NBPF11: variants seen among roughly 807,000 people sequenced by gnomAD.
NBPF11 encodes NBPF family member NBPF11.
Under a neutral mutation model 93.9 loss-of-function variants are expected in NBPF11, and 72 were observed. That is an observed-to-expected ratio of 0.77 (90% confidence interval 0.63 to 0.93). NBPF11 has a LOEUF of 0.93. Ranked by LOEUF, NBPF11 falls within the 40% of genes least tolerant of loss-of-function variation. NBPF11 has a pLI of 0.00. For synonymous variants in NBPF11, 224 were observed against 304.9 expected, an observed-to-expected ratio of 0.73 and a Z score of 2.76; for missense variants, 705 against 802.2, an observed-to-expected ratio of 0.88 and a Z score of 1.46.
At chr1:148,126,354 C>A (rs1175161390) in intron 5 of NBPF11, among the ~76,000 whole-genome samples, 1 of 151,498 alleles carries the variant, frequency 6.6e-6, no homozygotes, top group Admixed American at 6.6e-5. Context: ...CTATTAGGAG[C>A]AGACTCCTCT....
intron 21 of NBPF11, among the ~76,000 whole-genome samples, chr1:148,105,754 A>G (rs1663425475): frequency 1.0e-5 from 1 of 95,252 alleles, no homozygotes; most frequent in African/African-American, 7.2e-5. Context: ...ACAAACACAC[A>G]CACAAAGACA....
rs1667611615 is a variant in NBPF11, at chr1:148,120,667, T to A, written c.822A>T (p.Val274=). 3.9e-6 allele frequency: 6 copies of A among 1,536,660 alleles called. No individual in the cohort carries two copies. Among genetic ancestry groups the A allele is most frequent in the African/African-American group, 2.7e-5 (2 of 72,980 alleles). Residue 274 remains valine (V), a synonymous_variant, in exon 10 of 24, where the codon GTA becomes GTT. Coordinates refer to ENST00000682118, the MANE Select transcript of NBPF11 (RefSeq NM_001385469.3). ...TCTCGCTGGACAAAGGGCCGGCTGA[T>A]ACCACCATGCTGACGTTTGTGGCAG... ...TSSATNVSMV[V]SAGPLSSEKA...
rs1166882477 is a variant in NBPF11, at chr1:148,121,655, A to G, written c.778+400T>C. 6.4e-4 allele frequency among the ~76,000 whole-genome samples: 94 copies of G among 146,786 alleles called. 1 individual carries two copies. Among genetic ancestry groups the G allele is most frequent in the Non-Finnish European group, 3.0e-4 (20 of 66,470 alleles). ...CAGGTGTGACCCACTGCGCCCAGCC[A>G]AGACTTATTAATAGCTAAGACAAGC... On this transcript the variant is annotated intron_variant, in intron 9 of 23. Coordinates refer to ENST00000682118, the MANE Select transcript of NBPF11 (RefSeq NM_001385469.3).
In NBPF11 at chr1:148,118,649, T is replaced by G; in HGVS notation, c.1062A>C (p.Ala354=). The change falls in exon 11 of 24, where the codon GCA becomes GCC. Residue 354 remains alanine, a synonymous_variant. Transcript: ENST00000682118. ...GCTCCTCAGCTTGCTTCAGCTGCTC[T>G]GCAAGCTTCTCCTCCTTGAACTGTC... is the stretch of plus-strand genomic sequence containing the variant. ...NERQFKEEKL[A]EQLKQAEELR... 2 of 1,613,030 alleles carry G rather than the reference T, an allele frequency of 1.2e-6. No homozygotes were observed. The highest frequency in any genetic ancestry group is 3.3e-5 in the Admixed American group (2 of 60,024).
At position 148,106,893 on chromosome 1, in the gene NBPF11, A is replaced by T; in HGVS notation, c.2251+49T>A. On this transcript the variant is annotated intron_variant, in intron 20 of 23. Coordinates refer to ENST00000682118, the MANE Select transcript of NBPF11 (RefSeq NM_001385469.3). ...CACTTGGAACAGGAATATCACCCCT[A>T]TCTGGAAGGCCAGGTGGAGGCTTAT... 4.0e-6 allele frequency: 3 copies of T among 748,392 alleles called. 1 individual carries two copies. The highest frequency in any genetic ancestry group is 7.2e-6 in the Non-Finnish European group (3 of 419,522). 46.4% of individuals were successfully genotyped at this position (748,392 alleles called of 1,614,324 possible). A position where few individuals can be genotyped will look rare whatever the true frequency, so the allele number is the denominator to read the frequency against.
intron 4 of NBPF11, among the ~76,000 whole-genome samples, chr1:148,129,262 A>T (rs1239869149): frequency 7.5e-5 from 11 of 147,556 alleles, no homozygotes; most frequent in Non-Finnish European, 1.2e-4. Flanking sequence ...TATATATATA[A>T]TACGTGTATA....
At position 148,108,673 on chromosome 1, in the gene NBPF11, G is replaced by A. The variant is rs1664422997; in HGVS notation, c.1854-19C>T. ...GCTGAGCCTGGAAAAGTGGGAAAAA[G>A]TAAAGAATAAGCCAGGGGGAATCAG... On this transcript the variant is annotated intron_variant, in intron 17 of 23. Coordinates refer to ENST00000682118, the MANE Select transcript of NBPF11 (RefSeq NM_001385469.3). 1 of 885,092 alleles carries A rather than the reference G, an allele frequency of 1.1e-6. No individual in the cohort carries two copies. The highest frequency in any genetic ancestry group is 1.3e-5 in the South Asian group (1 of 76,522). The allele number at this position is 885,092 out of a possible 1,614,324, so 54.8% of individuals were successfully genotyped here.
At position 148,103,818 on chromosome 1, in the gene NBPF11, G is replaced by A; in HGVS notation, c.*78C>T. ...CTTCTGTAGTGCTGGAATGAGTCAG[G>A]TAGTTCAAAGTACATTGATGGAGTC... On this transcript the variant is annotated 3_prime_UTR_variant, in exon 24 of 24. Coordinates refer to ENST00000682118, the MANE Select transcript of NBPF11 (RefSeq NM_001385469.3). 1.2e-6 allele frequency: 2 copies of A among 1,611,718 alleles called. No individual in the cohort carries two copies. The highest frequency in any genetic ancestry group is 1.1e-5 in the South Asian group (1 of 90,988).
At chr1:148,122,879 C>A (rs1668202944) in intron 7 of NBPF11, 78 bp from the exon 8 acceptor site, 3 of 1,605,296 alleles carry the variant, frequency 1.9e-6, no homozygotes, top group African/African-American at 2.7e-5. Context: ...TGCACAGAGA[C>A]ATGAATATCT....
rs1558157540 is a variant in NBPF11, at chr1:148,132,256, G to GT, written c.-36+3415_-36+3416insA. ...ACACATGTTTGTGTGTGTGTGTGTGGGGGTGTGTATACATATATATATGTC... is the reference window on the plus strand; with the variant it reads ...ACACATGTTTGTGTGTGTGTGTGTGGTGGGTGTGTATACATATATATATGTC... On this transcript the variant is annotated intron_variant, in intron 4 of 23. Coordinates refer to ENST00000682118, the MANE Select transcript of NBPF11 (RefSeq NM_001385469.3). 5.9e-5 allele frequency among the ~76,000 whole-genome samples: 8 copies of GT among 135,718 alleles called. No homozygotes were observed. The East Asian group carries it at 6.7e-4, about 11-fold the overall frequency. The allele number at this position is 135,718 out of a possible 152,430, so 89.0% of individuals were successfully genotyped here.
intron 4 of NBPF11, chr1:148,129,505 C>A (rs1553273981): frequency 6.5e-6 from 1 of 152,806 alleles, no homozygotes; most frequent in East Asian, 1.9e-4. Context: ...CCATCTACAG[C>A]CTCGTGGCGG....
rs1648468374 is a variant in NBPF11 at position 148,151,909 on chromosome 1, T to G, written c.-708A>C. ...AGAAGCTCAGGCAGCCTCGCGACCC[T>G]CACCTACCCCTCCCAGCACCGCCGC... On this transcript the variant is annotated 5_prime_UTR_variant, in exon 1 of 24. Transcript: ENST00000682118. The G allele has an allele frequency of 6.5e-6, 1 of 152,812 alleles. No individual in the cohort carries two copies. Among genetic ancestry groups the G allele is most frequent in the Admixed American group, 6.5e-5 (1 of 15,274 alleles). The allele number at this position is 152,812 out of a possible 1,614,324, so 9.5% of individuals were successfully genotyped here. A position where few individuals can be genotyped will look rare whatever the true frequency, so the allele number is the denominator to read the frequency against.
intron 9 of NBPF11, among the ~76,000 whole-genome samples, chr1:148,121,236 G>C (rs1667746332): frequency 6.6e-6 from 1 of 151,532 alleles, no homozygotes; most frequent in Non-Finnish European, 1.5e-5. Context: ...TAGAGATGGG[G>C]TTTCGCCATC....
rs1553272650 is a variant in NBPF11, at chr1:148,124,915, G to T, written c.262C>A (p.Gln88Lys). 1.2e-6 allele frequency: 2 copies of T among 1,610,098 alleles called. No individual in the cohort carries two copies. The highest frequency in any genetic ancestry group is 2.2e-4 in the Middle Eastern group (1 of 4,544). ...KEEKLAEQLKQAEELRQYKVL... is the reference protein window; with the variant it reads ...KEEKLAEQLKKAEELRQYKVL... Reference sequence around the variant, plus strand: ...TCCCCTCACCTGAGCTCCTCAGCTTGCTTGAGCTGCTCTGCAAGCTTCTCC... The same window carrying T: ...TCCCCTCACCTGAGCTCCTCAGCTTTCTTGAGCTGCTCTGCAAGCTTCTCC... The change falls in exon 6 of 24, where the codon CAA (glutamine) becomes AAA (lysine). Residue 88 changes from glutamine (Q) to lysine (K), a missense_variant. Coordinates refer to ENST00000682118, the MANE Select transcript of NBPF11 (RefSeq NM_001385469.3).
intron 2 of NBPF11, among the ~76,000 whole-genome samples, 152 bp downstream of exon 2, chr1:148,143,263 A>T (rs1313606467): frequency 6.6e-6 from 1 of 152,040 alleles, no homozygotes; most frequent in Non-Finnish European, 1.5e-5. Flanking sequence ...ATATTTGTTC[A>T]TTCATTTAAC....
intron 1 of NBPF11, chr1:148,146,758 G>T (rs1487803420): frequency 6.2e-7 from 1 of 1,613,004 alleles, no homozygotes; most frequent in Non-Finnish European, 8.5e-7. Flanking sequence ...CGGCAATGCC[G>T]TGGACCTGGG....
chr1:148,115,164 CAAAAAAAAAAAAAAAAAAAAAAAA>C (rs57869119), intron 14 of NBPF11, among the ~76,000 whole-genome samples: 19 of 12,160 alleles, frequency 1.6e-3, no homozygotes, highest in African/African-American at 8.3e-3. Flanking sequence ...GACTCCATCA[CAAAAAAAAAAAAAAAAAAAAAAAA>C]AAAAAAAAAA....
chr1:148,150,838 C>T (rs1247520144), intron 1 of NBPF11, among the ~76,000 whole-genome samples: 4 of 151,504 alleles, frequency 2.6e-5, no homozygotes, highest in African/African-American at 9.8e-5. Context: ...AGCGAGTCTC[C>T]TGCCTCAGCC....
At chr1:148,122,024 A>G (rs1413143411) in intron 9 of NBPF11, 31 bp downstream of exon 9, 1 of 1,317,668 alleles carries the variant, frequency 7.6e-7, no homozygotes, top group Non-Finnish European at 1.1e-6. Context: ...GCCTAGACAG[A>G]GGTATGAGAC....
Sources: gnomAD v4.1 joint callset for allele counts (sites outside exome capture counted in the v4.1 genomes callset) on GRCh38, gnomAD v4.1.1 for gene constraint, MANE v1.5 for transcripts, NCBI Gene and HGNC (gene_info 2026-07-23, HGNC 2026-07-21) for gene names.